The following ATG10 variants were observed in gnomAD, a reference collection of about 807,000 sequenced individuals.
ATG10 encodes the protein ubiquitin-like-conjugating enzyme ATG10.
ATG10 carries 30 observed loss-of-function variants against 32.1 expected under a neutral mutation model. The observed-to-expected ratio is 0.94, with a 90% CI of 0.70 to 1.27. The LOEUF (loss-of-function observed/expected upper bound fraction) is 1.27, where lower values mean the gene tolerates loss of function less well. ATG10 is among the 50% of genes most tolerant of loss of function. The pLI, the probability that ATG10 is intolerant of heterozygous loss-of-function variation, is 0.00. For missense variants in ATG10, 233 were observed against 262.3 expected (o/e 0.89, Z 0.77); for synonymous variants, 87 against 91.5 (o/e 0.95, Z 0.28).
chr5:82,116,084 A>G (rs1376829103), intron 3 of ATG10, among the ~76,000 whole-genome samples: 1 of 152,106 alleles, frequency 6.6e-6, no homozygotes, highest in East Asian at 1.9e-4. Context: ...GACATTTCTC[A>G]TTTTGAAATT....
intron 3 of ATG10, among the ~76,000 whole-genome samples, chr5:82,098,710 G>A (rs1362028937): frequency 3.9e-5 from 6 of 152,176 alleles, no homozygotes; most frequent in African/African-American, 1.4e-4. Context: ...AATGGGACTG[G>A]TAAAGAATTT....
chr5:82,082,187 A>G (rs894673379), intron 3 of ATG10, among the ~76,000 whole-genome samples: 2 of 152,210 alleles, frequency 1.3e-5, no homozygotes, highest in East Asian at 1.9e-4. Flanking sequence ...TTCAGCAATC[A>G]TTCAGTTTTC....
At chr5:82,148,576 C>T (rs1484658697) in intron 3 of ATG10, among the ~76,000 whole-genome samples, 1 of 152,148 alleles carries the variant, frequency 6.6e-6, no homozygotes, top group Non-Finnish European at 1.5e-5. Context: ...TTTATATCCC[C>T]TCAAGCTACC....
intron 2 of ATG10, among the ~76,000 whole-genome samples, chr5:82,042,304 A>G (rs1763108634): frequency 6.6e-6 from 1 of 152,144 alleles, no homozygotes; most frequent in South Asian, 2.1e-4. Flanking sequence ...AAACCATCAG[A>G]TTTTGTGAGA....
chr5:82,001,346 A>G (rs1219749511), intron 2 of ATG10, among the ~76,000 whole-genome samples: 1 of 152,208 alleles, frequency 6.6e-6, no homozygotes, highest in Non-Finnish European at 1.5e-5. Flanking sequence ...AGCTAAGGCA[A>G]TACTAAGCAA....
At chr5:82,139,721 C>T (rs1412206656) in intron 3 of ATG10, among the ~76,000 whole-genome samples, 2 of 129,972 alleles carry the variant, frequency 1.5e-5, no homozygotes, top group African/African-American at 6.1e-5. Context: ...GGGGGGGGGT[C>T]AGCCCCCTGC....
chr5:82,137,687 G>A (rs968915680), intron 3 of ATG10, among the ~76,000 whole-genome samples: 4 of 152,160 alleles, frequency 2.6e-5, no homozygotes, highest in Non-Finnish European at 2.9e-5. Flanking sequence ...GAGGAGGCAC[G>A]GGGGTCAAGG....
chr5:82,028,993 A>C (rs1243664106), intron 2 of ATG10, among the ~76,000 whole-genome samples: 1 of 152,204 alleles, frequency 6.6e-6, no homozygotes, highest in Admixed American at 6.5e-5. Flanking sequence ...AGACAAGTAG[A>C]GCAACATTTG....
intron 2 of ATG10, among the ~76,000 whole-genome samples, chr5:82,039,514 G>A (rs6863450): frequency 0.23 from 34,466 of 152,044 alleles, 4,123 homozygotes; most frequent in African/African-American, 0.3. Context: ...ACTTTGAAAT[G>A]AAATGGTAAA....
chr5:82,227,884 C>T (rs1290864671), intron 5 of ATG10, among the ~76,000 whole-genome samples: 1 of 152,096 alleles, frequency 6.6e-6, no homozygotes, highest in African/African-American at 2.4e-5. Flanking sequence ...GATTCATACA[C>T]ATATGAATAA....
intron 2 of ATG10, among the ~76,000 whole-genome samples, chr5:82,055,359 GTAT>G (rs1477844517): frequency 6.6e-6 from 1 of 152,050 alleles, no homozygotes; most frequent in Admixed American, 6.6e-5. Flanking sequence ...CAAATTATAA[GTAT>G]TATTGAAAGT....
At chr5:81,974,982 T>C (rs1760827553) in intron 1 of ATG10, among the ~76,000 whole-genome samples, 1 of 152,174 alleles carries the variant, frequency 6.6e-6, no homozygotes, top group African/African-American at 2.4e-5. Flanking sequence ...ATCTAACTAC[T>C]GTAGGGCCCA....
chr5:82,234,787 G>T (rs1159158546), intron 5 of ATG10, among the ~76,000 whole-genome samples: 2 of 152,132 alleles, frequency 1.3e-5, no homozygotes, highest in African/African-American at 4.8e-5. Flanking sequence ...CCCTTTTAGA[G>T]GGAATACCCA....
At chr5:82,192,614 G>A (rs1442035053) in intron 5 of ATG10, among the ~76,000 whole-genome samples, 2 of 152,156 alleles carry the variant, frequency 1.3e-5, no homozygotes, top group African/African-American at 4.8e-5. Flanking sequence ...ATATTATGAG[G>A]ATGATTCCAG....
chr5:82,039,703 C>G (rs543313823), intron 2 of ATG10, among the ~76,000 whole-genome samples: 1 of 152,298 alleles, frequency 6.6e-6, no homozygotes, highest in Admixed American at 6.5e-5. Context: ...TATTGCAAAG[C>G]AGATAATTCA....
At chr5:82,248,438 G>T (rs976843530) in intron 5 of ATG10, among the ~76,000 whole-genome samples, 2 of 152,190 alleles carry the variant, frequency 1.3e-5, no homozygotes, top group Non-Finnish European at 2.9e-5. Context: ...TCTGTTGATG[G>T]AGTGTCTGGG....
chr5:82,168,089 CCA>C (rs1198673803), intron 4 of ATG10, among the ~76,000 whole-genome samples: 1 of 151,290 alleles, frequency 6.6e-6, no homozygotes, highest in Non-Finnish European at 1.5e-5. Context: ...TCTTTTTTTC[CCA>C]CTGTTTTTGA....
At chr5:82,166,830 T>C (rs1743604955) in intron 4 of ATG10, among the ~76,000 whole-genome samples, 1 of 152,178 alleles carries the variant, frequency 6.6e-6, no homozygotes, top group Non-Finnish European at 1.5e-5. Context: ...TCTTTTTTTG[T>C]TGTTGTTGCT....
At chr5:82,123,228 A>T (rs2149830367) in intron 3 of ATG10, among the ~76,000 whole-genome samples, 1 of 152,364 alleles carries the variant, frequency 6.6e-6, no homozygotes, top group East Asian at 1.9e-4. Flanking sequence ...ACGTAGCTGG[A>T]TGGAGGCTAT....
Sources: gnomAD v4.1 joint callset for allele counts (sites outside exome capture counted in the v4.1 genomes callset) on GRCh38, gnomAD v4.1.1 for gene constraint, MANE v1.5 for transcripts, NCBI Gene and HGNC (gene_info 2026-07-23, HGNC 2026-07-21) for gene names.